KLHL38: variants seen among roughly 807,000 people sequenced by gnomAD.
KLHL38 encodes kelch like family member 38.
A neutral mutation model predicts 39.6 loss-of-function variants in KLHL38; 38 were observed. That is an observed-to-expected ratio of 0.96 (90% CI 0.74 to 1.26). The LOEUF (loss-of-function observed/expected upper bound fraction) is 1.26. Ranked by LOEUF, KLHL38 falls within the 50% of genes most tolerant of loss-of-function variation. The probability of loss-of-function intolerance (pLI) is 0.00; values close to 1 mark genes in which losing one functional copy is unlikely to be tolerated. For synonymous variants in KLHL38, 322 were observed against 302.2 expected, an observed-to-expected ratio of 1.07 and a Z score of -0.68; for missense variants, 803 against 748.1, an observed-to-expected ratio of 1.07 and a Z score of -0.86.
chr8:123,651,765 TG>T lies in KLHL38; in HGVS notation c.1161del (p.Ile388SerfsTer41), dbSNP rs1563593469. The T allele has an allele frequency of 1.9e-6, 3 of 1,614,116 alleles. No individual in the cohort carries two copies. The highest frequency in any genetic ancestry group is 2.5e-6 in the Non-Finnish European group (3 of 1,180,022). ...TCCTGCCCTTCTCCAATCCCCCCGA[TG>T]GAGAAGATGAAGTTCTTATGGGCAG... is the stretch of plus-strand genomic sequence containing the variant. ...RSTAHKNFIF[S>X]IGGIGEGQEL... On this transcript the variant is annotated frameshift_variant, in exon 2 of 4. Coordinates refer to ENST00000684634, the MANE Select transcript of KLHL38 (RefSeq NM_001081675.3). LOFTEE classifies it high-confidence loss of function.
At chr8:123,649,777 G>A (rs1357643568) in intron 2 of KLHL38, among the ~76,000 whole-genome samples, 2 of 152,166 alleles carry the variant, frequency 1.3e-5, no homozygotes, top group Non-Finnish European at 2.9e-5. Flanking sequence ...TGAGAAGGGG[G>A]CTGATGGAGA....
At position 123,649,507 on chromosome 8, in the gene KLHL38, C is replaced by A. The variant is rs996219658; in HGVS notation, c.1350+2070G>T. On this transcript the variant is annotated intron_variant, in intron 2 of 3. Transcript: ENST00000684634. ...AGTTCTCCCCTTTGTCCACTCAGGC[C>A]CCCTCCAATCCCTTCTCTACAAGGC... Among the ~76,000 whole-genome samples the A allele has an allele frequency of 1.2e-4, 19 of 152,226 alleles. 1 individual carries two copies. Among genetic ancestry groups the A allele is most frequent in the Admixed American group, 9.2e-4 (14 of 15,284 alleles).
intron 2 of KLHL38, among the ~76,000 whole-genome samples, chr8:123,647,595 C>T (rs1012837260): frequency 2.6e-5 from 4 of 152,082 alleles, no homozygotes; most frequent in African/African-American, 9.7e-5. Flanking sequence ...AATCAACACC[C>T]CCGAAACATG....
At position 123,652,149 on chromosome 8, in the gene KLHL38, A is replaced by G; in HGVS notation, c.778T>C (p.Phe260Leu). The change falls in exon 2 of 4, where the codon TTC becomes CTC. Residue 260 changes from phenylalanine (F) to leucine (L), a missense_variant. Phe to Leu is a conservative substitution (Grantham distance 22). Coordinates refer to ENST00000684634, the MANE Select transcript of KLHL38 (RefSeq NM_001081675.3). ...GGGACGGTGGTGCCACACAAAGAGA[A>G]CATCTGTCTCTTGGCGGTCTCCAAG... ...IILETAKRQM[F>L]SLCGTTVPDC... 3 of 1,614,074 alleles carry G rather than the reference A, an allele frequency of 1.9e-6. No individual in the cohort carries two copies. The highest frequency in any genetic ancestry group is 2.5e-6 in the Non-Finnish European group (3 of 1,180,000).
At position 123,652,186 on chromosome 8, in the gene KLHL38, T is replaced by C; in HGVS notation, c.741A>G (p.Ala247=). The C allele has an allele frequency of 6.2e-7, 1 of 1,614,182 alleles. No homozygotes were observed. Among genetic ancestry groups the C allele is most frequent in the Non-Finnish European group, 8.5e-7 (1 of 1,180,030 alleles). Residue 247 remains alanine, a synonymous_variant, in exon 2 of 4, where the codon GCA becomes GCG. Transcript: ENST00000684634. ...ANDALLQSSP[A]CQIILETAKR... ...TGGCGGTCTCCAAGATGATCTGGCA[T>C]GCAGGCGAGGACTGCAGGAGGGCAT...
Position 123,652,934 on chromosome 8 carries a change from A to G in KLHL38, c.-1-7T>C. On this transcript the variant is annotated splice_region_variant and splice_polypyrimidine_tract_variant and intron_variant, in intron 1 of 3. Coordinates refer to ENST00000684634, the MANE Select transcript of KLHL38 (RefSeq NM_001081675.3). ...TAGTGACTCCTCGTCCATCCTACAA[A>G]GAGGGAAGGAAGCCCCCAGAGTCAG... 6.3e-7 allele frequency: 1 copy of G among 1,579,432 alleles called. No individual in the cohort carries two copies. The highest frequency in any genetic ancestry group is 8.6e-7 in the Non-Finnish European group (1 of 1,168,274).
rs374403363 is a variant in KLHL38, at chr8:123,645,851, C to T, written c.1634G>A (p.Cys545Tyr). The T allele has an allele frequency of 3.1e-6, 5 of 1,613,744 alleles. No homozygotes were observed. The African/African-American group carries it at 6.7e-5, about 22-fold the overall frequency. ...CNIEDSASFD[C>Y]YDPETDTWTS... ...CCAGGTGTCCGTCTCGGGGTCGTAG[C>T]AATCGAAGGAGGCGGAGTCCTCAAT... The change falls in exon 4 of 4, where the codon TGC (cysteine) becomes TAC (tyrosine). Residue 545 changes from cysteine (C) to tyrosine (Y), a missense_variant. Physicochemically the swap from Cys to Tyr is radical, Grantham distance 194. Transcript: ENST00000684634.
intron 2 of KLHL38, among the ~76,000 whole-genome samples, chr8:123,651,033 CTG>C (rs1430451654): frequency 6.6e-6 from 1 of 152,192 alleles, no homozygotes; most frequent in African/African-American, 2.4e-5. Flanking sequence ...AAGATAAACT[CTG>C]TGCATAGGGA....
At chr8:123,648,899 A>G (rs1812581808) in intron 2 of KLHL38, among the ~76,000 whole-genome samples, 1 of 152,216 alleles carries the variant, frequency 6.6e-6, no homozygotes, top group South Asian at 2.1e-4. Flanking sequence ...CTGCTCCATC[A>G]AGTGACTCCC....
In KLHL38 at chr8:123,651,988, C is replaced by G. The variant is rs201007388; in HGVS notation, c.939G>C (p.Gln313His). 1,003 of 1,614,254 alleles carry G rather than the reference C, an allele frequency of 6.2e-4. 16 individuals carry two copies. The South Asian group carries it at 0.01, about 17-fold the overall frequency. ...LLYSKQTGQWQSLAKLPTRLY... is the reference protein window; with the variant it reads ...LLYSKQTGQWHSLAKLPTRLY... ...GCCGTGTCGGGAGTTTGGCAAGGCT[C>G]TGCCATTGGCCGGTCTGTTTGCTGT... Residue 313 changes from glutamine (Q) to histidine (H), a missense_variant, in exon 2 of 4, where the codon CAG becomes CAC. Coordinates refer to ENST00000684634, the MANE Select transcript of KLHL38 (RefSeq NM_001081675.3).
intron 3 of KLHL38, among the ~76,000 whole-genome samples, chr8:123,646,582 A>G (rs1818668192): frequency 6.6e-6 from 1 of 152,264 alleles, no homozygotes; most frequent in Non-Finnish European, 1.5e-5. Context: ...GAAACAAACT[A>G]TTAGTAGCTA....
rs755715223 is a variant in KLHL38 at position 123,651,673 on chromosome 8, G to A, written c.1254C>T (p.Pro418=). Residue 418 remains proline, a synonymous_variant, in exon 2 of 4, where the codon CCC becomes CCT. Coordinates refer to ENST00000684634, the MANE Select transcript of KLHL38 (RefSeq NM_001081675.3). ...CGACTGCGGGGTGGAGCACCCCCAC[G>A]GGCATGCTGGCCATACTCTCCCAGA... ...CNVWESMASM[P]VGVLHPAVAV... is the part of the protein sequence containing the mutation. The A allele has an allele frequency of 7.4e-6, 12 of 1,614,104 alleles. No homozygotes were observed. The highest frequency in any genetic ancestry group is 5.5e-5 in the South Asian group (5 of 91,086).
rs1286956805 is a variant in KLHL38 at position 123,644,474 on chromosome 8, T to C, written c.*1265A>G. ...CCAGAAACAAACTTTATTCTGGCAA[T>C]GCAGGATAATTTTACAAACATTAGA... On this transcript the variant is annotated 3_prime_UTR_variant, in exon 4 of 4. Transcript: ENST00000684634. Among the ~76,000 whole-genome samples, 1 of 152,240 alleles carries C rather than the reference T, an allele frequency of 6.6e-6. No homozygotes were observed. Among genetic ancestry groups the C allele is most frequent in the Non-Finnish European group, 1.5e-5 (1 of 68,034 alleles).
chr8:123,653,337 A>G (rs992187090), intron 1 of KLHL38, among the ~76,000 whole-genome samples: 6 of 152,212 alleles, frequency 3.9e-5, no homozygotes, highest in African/African-American at 1.2e-4. Context: ...ATTGAGTAAC[A>G]GATGTCTAAA....
At chr8:123,649,343 A>C (rs1273721285) in intron 2 of KLHL38, among the ~76,000 whole-genome samples, 1 of 152,098 alleles carries the variant, frequency 6.6e-6, no homozygotes, top group Non-Finnish European at 1.5e-5. Context: ...GATTCTAGAA[A>C]GACTCGGAAT....
At chr8:123,651,331 T>C (rs907196887) in intron 2 of KLHL38, among the ~76,000 whole-genome samples, 2 of 152,172 alleles carry the variant, frequency 1.3e-5, no homozygotes, top group Non-Finnish European at 2.9e-5. Context: ...CACGTATGCA[T>C]GTTGGCATCT....
chr8:123,650,004 G>A (rs553781204), intron 2 of KLHL38, among the ~76,000 whole-genome samples: 12 of 152,126 alleles, frequency 7.9e-5, no homozygotes, highest in African/African-American at 2.9e-4. Flanking sequence ...GGAGGTGCAG[G>A]AGCTTCCTGC....
At position 123,651,719 on chromosome 8, in the gene KLHL38, C is replaced by T. The variant is rs760708710; in HGVS notation, c.1208G>A (p.Arg403Lys). 4 of 1,614,198 alleles carry T rather than the reference C, an allele frequency of 2.5e-6. No individual in the cohort carries two copies. Among genetic ancestry groups the T allele is most frequent in the South Asian group, 2.2e-5 (2 of 91,088 alleles). ...CCAGACATTGCAGATGCTGTCATAC[C>T]TTTCCATGGAGCCCATGAGCTCCTG... ...EGQELMGSME[R>K]YDSICNVWES... The change falls in exon 2 of 4, where the codon AGG becomes AAG. Residue 403 changes from arginine to lysine, a missense_variant. Arg to Lys is a conservative substitution (Grantham distance 26, BLOSUM62 2). Coordinates refer to ENST00000684634, the MANE Select transcript of KLHL38 (RefSeq NM_001081675.3).
chr8:123,652,916 T>G lies in KLHL38; in HGVS notation c.11A>C (p.Glu4Ala). 6.3e-7 allele frequency: 1 copy of G among 1,590,530 alleles called. No individual in the cohort carries two copies. The highest frequency in any genetic ancestry group is 8.5e-7 in the Non-Finnish European group (1 of 1,174,280). ...TTTGAAGAGCAGCCCATCTAGTGAC[T>G]CCTCGTCCATCCTACAAAGAGGGAA... MDE[E>A]SLDGLLFKDH... The change falls in exon 2 of 4, where the codon GAG becomes GCG. Residue 4 changes from glutamate to alanine, a missense_variant. Transcript: ENST00000684634.
Sources: allele counts gnomAD v4.1 joint callset (sites outside exome capture counted in the v4.1 genomes callset), GRCh38; gene constraint gnomAD v4.1.1; transcripts MANE v1.5; gene names NCBI Gene and HGNC (gene_info 2026-07-23, HGNC 2026-07-21).